The following PTDSS1 variants were observed in gnomAD, a reference collection of about 807,000 sequenced individuals.
PTDSS1 encodes PSS-1.
Under a neutral mutation model 70.5 loss-of-function variants are expected in PTDSS1, and 45 were observed. That is an observed-to-expected ratio of 0.64 (90% confidence interval 0.50 to 0.82). PTDSS1 has a LOEUF of 0.82. Among genes scored for constraint, PTDSS1 ranks in the 40% least tolerant of loss-of-function variants. PTDSS1 has a pLI of 0.00. For missense variants in PTDSS1, 417 were observed against 586.1 expected (o/e 0.71, Z 2.98); for synonymous variants, 188 against 203.8 (o/e 0.92, Z 0.66).
intron 2 of PTDSS1, among the ~76,000 whole-genome samples, chr8:96,278,752 T>G (rs1342641338): frequency 6.6e-6 from 1 of 152,182 alleles, no homozygotes; most frequent in Non-Finnish European, 1.5e-5. Flanking sequence ...GTACATTTCC[T>G]GCTTCTGAGA....
intron 10 of PTDSS1, among the ~76,000 whole-genome samples, chr8:96,328,497 A>G (rs778201492): frequency 2.0e-5 from 3 of 152,100 alleles, no homozygotes; most frequent in Admixed American, 1.3e-4. Flanking sequence ...TAATTTTTTG[A>G]TGGATATGAG....
At position 96,262,139 on chromosome 8, in the gene PTDSS1, C is replaced by G; in HGVS notation, c.99C>G (p.Thr33=). ...ACGAGCAGCAAGTGGAGGACATCAC[C>G]ATTGACTTCTTCTACCGGCCGCATA... is the stretch of plus-strand genomic sequence containing the variant. ...MINEQQVEDI[T]IDFFYRPHTI... is the part of the protein sequence containing the mutation. Residue 33 remains threonine, a synonymous_variant, in exon 1 of 13, where the codon ACC becomes ACG. Transcript: ENST00000517309. The surrounding 1 kb of genome is among the most constrained non-coding windows in gnomAD (Gnocchi z 4.4). 2.5e-6 allele frequency: 4 copies of G among 1,613,976 alleles called. No individual in the cohort carries two copies. The highest frequency in any genetic ancestry group is 3.4e-6 in the Non-Finnish European group (4 of 1,179,866).
intron 9 of PTDSS1, among the ~76,000 whole-genome samples, chr8:96,311,057 C>T (rs990581775): frequency 9.2e-5 from 14 of 152,162 alleles, no homozygotes; most frequent in African/African-American, 3.1e-4. Flanking sequence ...TGAGCCACTG[C>T]GCCCGGCCTT....
intron 10 of PTDSS1, among the ~76,000 whole-genome samples, chr8:96,323,218 G>C (rs1458320555): frequency 6.6e-6 from 1 of 152,192 alleles, no homozygotes; most frequent in African/African-American, 2.4e-5. Flanking sequence ...TTCCAGGCGG[G>C]AGTTGCACAC....
In PTDSS1 at chr8:96,331,071, T is replaced by C; in HGVS notation, c.1288T>C (p.Trp430Arg). 1 of 1,612,620 alleles carries C rather than the reference T, an allele frequency of 6.2e-7. No homozygotes were observed. The highest frequency in any genetic ancestry group is 8.5e-7 in the Non-Finnish European group (1 of 1,178,964). The stretch of plus-strand genomic sequence containing the variant: ...TGGCACCTACAGTCCAGAGATCTCC[T>C]GGCATCACAGGAAAGGGACAAAAGG... ...EDGTYSPEIS[W>R]HHRKGTKGSE... is the part of the protein sequence containing the mutation. The change falls in exon 12 of 13, where the codon TGG becomes CGG. Residue 430 changes from tryptophan to arginine, a missense_variant. Trp to Arg is a moderately radical substitution (Grantham distance 101). This residue lies in a region of PTDSS1 where 107 missense variants were observed against 122.3 expected (regional missense o/e 0.88). Coordinates refer to ENST00000517309, the MANE Select transcript of PTDSS1 (RefSeq NM_014754.3).
intron 1 of PTDSS1, among the ~76,000 whole-genome samples, chr8:96,266,782 C>T (rs537892694): frequency 1.3e-5 from 2 of 152,334 alleles, no homozygotes. Flanking sequence ...GTTAACATTT[C>T]TTTTCCCTGG....
chr8:96,327,712 G>A (rs557042611), intron 10 of PTDSS1, among the ~76,000 whole-genome samples: 6 of 152,170 alleles, frequency 3.9e-5, no homozygotes, highest in East Asian at 1.9e-4. Flanking sequence ...TTGTCTGCTC[G>A]GCCGTCATTA....
At chr8:96,317,313 C>T (rs1245775367) in intron 9 of PTDSS1, among the ~76,000 whole-genome samples, 1 of 152,048 alleles carries the variant, frequency 6.6e-6, no homozygotes, top group Non-Finnish European at 1.5e-5. Context: ...CCGGCCCCCT[C>T]ACCTCCTCCT....
chr8:96,273,709 T>C (rs575847417), intron 2 of PTDSS1, among the ~76,000 whole-genome samples: 1 of 152,356 alleles, frequency 6.6e-6, no homozygotes, highest in African/African-American at 2.4e-5. Flanking sequence ...TAAATGTGGT[T>C]GTTTTTGTTG....
chr8:96,278,117 C>T (rs775883640), intron 2 of PTDSS1, among the ~76,000 whole-genome samples: 1 of 152,204 alleles, frequency 6.6e-6, no homozygotes, highest in Non-Finnish European at 1.5e-5. Flanking sequence ...CAATGGCCAG[C>T]AGATGAAGAG....
chr8:96,284,157 A>T lies in PTDSS1; in HGVS notation c.316+4A>T. ...GCCTTATGGCGAATGGTTTTTGGTG[A>T]GTTTATATTAGCAATGTAAAAGGAT... is the stretch of plus-strand genomic sequence containing the variant. On this transcript the variant is annotated splice_donor_region_variant and intron_variant, in intron 3 of 12. Coordinates refer to ENST00000517309, the MANE Select transcript of PTDSS1 (RefSeq NM_014754.3). 1 of 1,600,230 alleles carries T rather than the reference A, an allele frequency of 6.2e-7. No individual in the cohort carries two copies.
rs771000792 is a variant in PTDSS1, at chr8:96,262,201, T to G, written c.161T>G (p.Met54Arg). ...TLLSFTIVSLMYFAFTRDDSV... is the reference protein window; with the variant it reads ...TLLSFTIVSLRYFAFTRDDSV... ...CTCAGCTTCACCATCGTCAGCCTCA[T>G]GTACTTCGCCTTTACCAGGTGGGGC... is the stretch of plus-strand genomic sequence containing the variant. Residue 54 changes from methionine to arginine, a missense_variant, in exon 1 of 13, where the codon ATG (methionine) becomes AGG (arginine). By Grantham distance (91) the Met-to-Arg change is moderately conservative. Around this residue, in one of 3 missense-constraint regions of PTDSS1, gnomAD observed 272 missense variants for 429.5 expected, o/e 0.63. Coordinates refer to ENST00000517309, the MANE Select transcript of PTDSS1 (RefSeq NM_014754.3). The surrounding 1 kb of genome is among the most constrained non-coding windows in gnomAD (Gnocchi z 4.4). 6.2e-7 allele frequency: 1 copy of G among 1,612,822 alleles called. No homozygotes were observed. The highest frequency in any genetic ancestry group is 1.1e-5 in the South Asian group (1 of 91,058).
Position 96,299,753 on chromosome 8 carries a change from G to A in PTDSS1, c.660G>A (p.Leu220=), listed in dbSNP as rs769462686. 7.4e-6 allele frequency: 12 copies of A among 1,614,058 alleles called. No homozygotes were observed. In the South Asian group the frequency reaches 1.2e-4, roughly 16 times the overall value. The change falls in exon 6 of 13, where the codon CTG becomes CTA. Residue 220 remains leucine (L), a synonymous_variant. Transcript: ENST00000517309. ...AGTGCTGGTGGGATCAAGTCATTCTGGACATCCTGTTGTGCAATGGCGGTG... is the reference window on the plus strand; with the variant it reads ...AGTGCTGGTGGGATCAAGTCATTCTAGACATCCTGTTGTGCAATGGCGGTG... ...FAECWWDQVI[L]DILLCNGGGI...
chr8:96,329,346 C>T (rs1811481043), intron 10 of PTDSS1, among the ~76,000 whole-genome samples: 3 of 123,608 alleles, frequency 2.4e-5, no homozygotes, highest in Non-Finnish European at 5.6e-5. Flanking sequence ...GAAGGTGTGG[C>T]CGGGGAGATT....
chr8:96,269,451 G>A (rs558616463), intron 1 of PTDSS1, among the ~76,000 whole-genome samples: 5 of 152,276 alleles, frequency 3.3e-5, no homozygotes, highest in South Asian at 2.1e-4. Context: ...AAGTCAAGGC[G>A]GTGTCACAGC....
At chr8:96,287,191 T>G in intron 4 of PTDSS1, 45 bp downstream of exon 4, 1 of 1,603,700 alleles carries the variant, frequency 6.2e-7, no homozygotes, top group South Asian at 1.1e-5. Flanking sequence ...GTAGACTCTT[T>G]CTTGGGTGTA....
Position 96,264,252 on chromosome 8 carries a change from T to C in PTDSS1, c.179+2033T>C, listed in dbSNP as rs968921104. Among the ~76,000 whole-genome samples, 4 of 152,240 alleles carry C rather than the reference T, an allele frequency of 2.6e-5. No individual in the cohort carries two copies. The East Asian group carries it at 5.8e-4, about 22-fold the overall frequency. ...CTTATCTGTATGTAAAATGAAAATA[T>C]CAATACATTAATCTGTCGGGATTAT... On this transcript the variant is annotated intron_variant, in intron 1 of 12. Transcript: ENST00000517309.
intron 3 of PTDSS1, among the ~76,000 whole-genome samples, chr8:96,285,735 C>A (rs1181740000): frequency 3.3e-5 from 5 of 152,142 alleles, no homozygotes; most frequent in Admixed American, 6.5e-5. Context: ...CCATGCACAG[C>A]TCTGCATATA....
In PTDSS1 at chr8:96,310,909, G is replaced by A. The variant is rs140027623; in HGVS notation, c.1073+1287G>A. Among the ~76,000 whole-genome samples the A allele has an allele frequency of 1.6e-3, 243 of 152,072 alleles. 2 individuals are homozygous for A. In the East Asian group the frequency reaches 0.028, roughly 18 times the overall value. On this transcript the variant is annotated intron_variant, in intron 9 of 12. Coordinates refer to ENST00000517309, the MANE Select transcript of PTDSS1 (RefSeq NM_014754.3). ...GTCCCCCAAGTAGCTGGGACTACAG[G>A]CGCGTGCCACCACACCCAGCTAATT...
Sources: allele counts gnomAD v4.1 joint callset (sites outside exome capture counted in the v4.1 genomes callset), GRCh38; gene constraint gnomAD v4.1.1; regional missense constraint gnomAD v4.1.1; non-coding constraint Gnocchi (gnomAD v3.1); transcripts MANE v1.5; gene names NCBI Gene and HGNC (gene_info 2026-07-23, HGNC 2026-07-21).